The following AGBL4 variants were observed in gnomAD, a reference collection of about 807,000 sequenced individuals.
AGBL4 encodes cytosolic carboxypeptidase 6.
A neutral mutation model predicts 66.4 loss-of-function variants in AGBL4; 58 were observed. The observed-to-expected ratio is 0.87, with a 90% CI of 0.71 to 1.09. The LOEUF (loss-of-function observed/expected upper bound fraction) is 1.09. Ranked by LOEUF, AGBL4 falls within the 50% of genes least tolerant of loss-of-function variation. The pLI is 0.00. For synonymous variants in AGBL4, 234 were observed against 222.9 expected (o/e 1.05, Z -0.44); for missense variants, 579 against 631.0 (o/e 0.92, Z 0.88).
chr1:49,406,193 G>A (rs1202360589), intron 3 of AGBL4, among the ~76,000 whole-genome samples: 1 of 152,164 alleles, frequency 6.6e-6, no homozygotes. Context: ...AAATTGTTGT[G>A]AGCAGACTGC....
At chr1:49,936,654 C>T (rs1334724895) in intron 1 of AGBL4, among the ~76,000 whole-genome samples, 1 of 152,192 alleles carries the variant, frequency 6.6e-6, no homozygotes, top group African/African-American at 2.4e-5. Flanking sequence ...AGAAACTCTA[C>T]AAGCCAGAAG....
chr1:49,241,632 T>C (rs768221368), intron 4 of AGBL4, among the ~76,000 whole-genome samples: 1 of 152,074 alleles, frequency 6.6e-6, no homozygotes, highest in Non-Finnish European at 1.5e-5. Context: ...GTCACTGTTA[T>C]GTTTTAATGC....
intron 3 of AGBL4, among the ~76,000 whole-genome samples, chr1:49,621,530 T>C (rs1430166551): frequency 6.6e-6 from 1 of 152,224 alleles, no homozygotes; most frequent in Non-Finnish European, 1.5e-5. Context: ...GCCAAATATT[T>C]AGGCTAAATT....
chr1:48,849,696 G>A (rs1246638640), intron 6 of AGBL4, among the ~76,000 whole-genome samples: 2 of 152,166 alleles, frequency 1.3e-5, no homozygotes, highest in African/African-American at 2.4e-5. Flanking sequence ...TTTGAGACTG[G>A]GGGCGGTGGC....
At chr1:49,362,142 T>C (rs1644150660) in intron 3 of AGBL4, among the ~76,000 whole-genome samples, 6 of 152,146 alleles carry the variant, frequency 3.9e-5, no homozygotes, top group South Asian at 4.1e-4. Context: ...CATATGAATG[T>C]TGTTGTAATC....
At chr1:49,224,897 G>C (rs1374788972) in intron 4 of AGBL4, among the ~76,000 whole-genome samples, 1 of 152,212 alleles carries the variant, frequency 6.6e-6, no homozygotes, top group Non-Finnish European at 1.5e-5. Flanking sequence ...TCAGGTTCAT[G>C]ATACATCCAG....
chr1:48,657,434 A>C (rs1646038220), intron 7 of AGBL4, among the ~76,000 whole-genome samples: 1 of 152,096 alleles, frequency 6.6e-6, no homozygotes, highest in African/African-American at 2.4e-5. Flanking sequence ...GGCTTTGGAG[A>C]GCTCCATCCG....
chr1:49,907,385 A>C (rs190307872), intron 1 of AGBL4, among the ~76,000 whole-genome samples: 3 of 152,280 alleles, frequency 2.0e-5, no homozygotes, highest in South Asian at 4.1e-4. Context: ...AAATGAGTGC[A>C]GGTTTTCCCA....
intron 5 of AGBL4, among the ~76,000 whole-genome samples, chr1:48,914,033 A>G (rs1653376909): frequency 6.6e-6 from 1 of 152,224 alleles, no homozygotes. Flanking sequence ...TTGGGAGTTC[A>G]AGAAAAAACA....
At chr1:48,572,970 A>G (rs1644592663) in intron 11 of AGBL4, among the ~76,000 whole-genome samples, 1 of 152,222 alleles carries the variant, frequency 6.6e-6, no homozygotes, top group African/African-American at 2.4e-5. Flanking sequence ...CCCTGTGGCC[A>G]GTATCCTTCT....
chr1:49,972,117 C>T (rs940305021), intron 1 of AGBL4, among the ~76,000 whole-genome samples: 6 of 151,298 alleles, frequency 4.0e-5, no homozygotes, highest in Non-Finnish European at 7.4e-5. Context: ...CGGGGTTTCA[C>T]CATGTTAGCC....
chr1:49,967,729 C>G (rs1381851054), intron 1 of AGBL4, among the ~76,000 whole-genome samples: 1 of 152,096 alleles, frequency 6.6e-6, no homozygotes, highest in Non-Finnish European at 1.5e-5. Context: ...TCCTAACAAG[C>G]TTAAGGCCTT....
At chr1:49,908,122 C>T (rs1278554572) in intron 1 of AGBL4, among the ~76,000 whole-genome samples, 1 of 152,090 alleles carries the variant, frequency 6.6e-6, no homozygotes, top group African/African-American at 2.4e-5. Flanking sequence ...GCCTGTAATC[C>T]TAGGACTTTA....
At chr1:49,429,627 A>G (rs890932475) in intron 3 of AGBL4, among the ~76,000 whole-genome samples, 5 of 152,042 alleles carry the variant, frequency 3.3e-5, no homozygotes, top group Non-Finnish European at 5.9e-5. Context: ...TCTGTCTCCA[A>G]TGTATTCTCC....
chr1:48,862,850 C>G (rs547433290), intron 6 of AGBL4, among the ~76,000 whole-genome samples: 1 of 152,240 alleles, frequency 6.6e-6, no homozygotes, highest in African/African-American at 2.4e-5. Flanking sequence ...GGAACATCCT[C>G]CTCAAACTCA....
At chr1:48,674,045 GC>G (rs1472534471) in intron 6 of AGBL4, among the ~76,000 whole-genome samples, 20 of 152,204 alleles carry the variant, frequency 1.3e-4, no homozygotes, top group Middle Eastern at 3.4e-3. Flanking sequence ...GTACTCCCTA[GC>G]CCGCTTGTCC....
intron 7 of AGBL4, among the ~76,000 whole-genome samples, chr1:48,654,301 T>C (rs892733828): frequency 1.3e-5 from 2 of 152,150 alleles, no homozygotes; most frequent in African/African-American, 2.4e-5. Flanking sequence ...AAGGATCTTC[T>C]GGAAGTGTGA....
intron 5 of AGBL4, among the ~76,000 whole-genome samples, chr1:48,918,779 C>T (rs1044396493): frequency 2.6e-5 from 4 of 152,168 alleles, no homozygotes; most frequent in Admixed American, 6.5e-5. Context: ...TGGACTAAGA[C>T]AGTTGCTAGG....
chr1:49,707,949 A>T (rs1223474059), intron 2 of AGBL4, among the ~76,000 whole-genome samples: 2 of 152,072 alleles, frequency 1.3e-5, no homozygotes, highest in Non-Finnish European at 2.9e-5. Flanking sequence ...TTCCTTGTGT[A>T]GGTAACCTAA....
Sources: allele counts gnomAD v4.1 joint callset (sites outside exome capture counted in the v4.1 genomes callset), GRCh38; gene constraint gnomAD v4.1.1; transcripts MANE v1.5; gene names NCBI Gene and HGNC (gene_info 2026-07-23, HGNC 2026-07-21).